The following DPP4 variants were observed in gnomAD, a reference collection of about 807,000 sequenced individuals.
DPP4 encodes the protein ADCP-2.
A neutral mutation model predicts 122.4 loss-of-function variants in DPP4; 93 were observed. That is an observed-to-expected ratio of 0.76 (90% CI 0.64 to 0.90). The LOEUF is 0.90. Ranked by LOEUF, DPP4 falls within the 40% of genes least tolerant of loss-of-function variation. DPP4 has a pLI of 0.00. For missense variants in DPP4, 914 were observed against 907.3 expected, an observed-to-expected ratio of 1.01 and a Z score of -0.09; for synonymous variants, 321 against 302.9, an observed-to-expected ratio of 1.06 and a Z score of -0.62.
intron 23 of DPP4, among the ~76,000 whole-genome samples, chr2:161,998,219 C>T (rs1370584868): frequency 1.3e-5 from 2 of 152,130 alleles, no homozygotes; most frequent in African/African-American, 4.8e-5. Context: ...AATAAATCTC[C>T]CTAAAAGACA....
intron 13 of DPP4, 21 bp from the exon 14 acceptor site, chr2:162,020,317 T>TTTTA (rs1553663376): frequency 9.8e-5 from 135 of 1,374,452 alleles, no homozygotes; most frequent in South Asian, 3.2e-4. Context: ...TTTTTTTTTT[T>TTTTA]CAAAAAAAAA....
At chr2:162,071,746 C>A (rs1685125640) in intron 2 of DPP4, among the ~76,000 whole-genome samples, 1 of 152,132 alleles carries the variant, frequency 6.6e-6, no homozygotes, top group Non-Finnish European at 1.5e-5. Context: ...GGAGAAGATA[C>A]CAGGTGCTAT....
Position 162,054,483 on chromosome 2 carries a change from G to T in DPP4, c.95-6982C>A, listed in dbSNP as rs909353119. Among the ~76,000 whole-genome samples, 10 of 152,296 alleles carry T rather than the reference G, an allele frequency of 6.6e-5. 1 individual carries two copies. The Middle Eastern group carries it at 0.024, about 363-fold the overall frequency. On this transcript the variant is annotated intron_variant, in intron 2 of 25. Transcript: ENST00000360534. The stretch of plus-strand genomic sequence containing the variant: ...TGAAGTTTGGGATTCAAGGGTGAAT[G>T]CTATGGTCTGAGTGTCCCCCAAAAT...
At chr2:162,028,508 T>C (rs1683425813) in intron 10 of DPP4, among the ~76,000 whole-genome samples, 1 of 152,206 alleles carries the variant, frequency 6.6e-6, no homozygotes, top group Non-Finnish European at 1.5e-5. Context: ...AACAGGCCAA[T>C]ACTGAGTAGC....
chr2:162,054,226 AG>A (rs1684486926), intron 2 of DPP4, among the ~76,000 whole-genome samples: 1 of 152,202 alleles, frequency 6.6e-6, no homozygotes, highest in South Asian at 2.1e-4. Context: ...TATCTATCCT[AG>A]GCCTACCCCA....
chr2:162,069,694 T>C (rs1462656884), intron 2 of DPP4, among the ~76,000 whole-genome samples: 1 of 152,168 alleles, frequency 6.6e-6, no homozygotes, highest in Non-Finnish European at 1.5e-5. Flanking sequence ...CCCTGAAACA[T>C]ACAAAGCTTT....
chr2:162,006,982 C>T (rs1701298353), intron 22 of DPP4, among the ~76,000 whole-genome samples: 1 of 152,022 alleles, frequency 6.6e-6, no homozygotes, highest in Admixed American at 6.6e-5. Flanking sequence ...TTGTAGATTA[C>T]AAACTACACT....
Position 162,060,859 on chromosome 2 carries a change from CTCCT to C in DPP4, c.94+12536_94+12539del, listed in dbSNP as rs375829539. Among the ~76,000 whole-genome samples the C allele has an allele frequency of 1.1e-4, 16 of 151,674 alleles. 1 individual carries two copies. Among genetic ancestry groups the C allele is most frequent in the South Asian group, 4.2e-4 (2 of 4,798 alleles). ...TACCTTTTCCCTCTAAAACACAAAG[CTCCT>C]TCCTTCCTTCCTTCCCTCTTTCTTT... On this transcript the variant is annotated intron_variant, in intron 2 of 25. Coordinates refer to ENST00000360534, the MANE Select transcript of DPP4 (RefSeq NM_001935.4).
chr2:161,994,811 G>T, intron 25 of DPP4, 150 bp downstream of exon 25: 1 of 658,238 alleles, frequency 1.5e-6, no homozygotes, highest in Non-Finnish European at 2.7e-6. Context: ...CATGGCTGAA[G>T]GATACCACTC....
Position 162,040,355 on chromosome 2 carries a change from T to C in DPP4, c.367-1171A>G, listed in dbSNP as rs1033002365. On this transcript the variant is annotated intron_variant, in intron 5 of 25. Coordinates refer to ENST00000360534, the MANE Select transcript of DPP4 (RefSeq NM_001935.4). ...ATAAACAAACTGTAGTAGAGATCCA[T>C]ACAATGGAATCTTATTTAATGATAA... is the stretch of plus-strand genomic sequence containing the variant. Among the ~76,000 whole-genome samples, 7 of 152,062 alleles carry C rather than the reference T, an allele frequency of 4.6e-5. No homozygotes were observed. In the East Asian group the frequency reaches 7.7e-4, roughly 17 times the overall value.
intron 10 of DPP4, among the ~76,000 whole-genome samples, chr2:162,030,670 T>C (rs763889491): frequency 6.6e-6 from 1 of 152,104 alleles, no homozygotes; most frequent in Non-Finnish European, 1.5e-5. Flanking sequence ...CCAGAGAGCA[T>C]CTAGAGTCTA....
Position 161,993,279 on chromosome 2 carries a change from G to T in DPP4, c.*4C>A. The T allele has an allele frequency of 6.2e-7, 1 of 1,601,184 alleles. No individual in the cohort carries two copies. The highest frequency in any genetic ancestry group is 8.6e-7 in the Non-Finnish European group (1 of 1,168,476). ...AGCTTTAAATGGCATGGTATTTTGAGGTGCTAAGGTAAAGAGAAACATTGT... is the reference window on the plus strand; with the variant it reads ...AGCTTTAAATGGCATGGTATTTTGATGTGCTAAGGTAAAGAGAAACATTGT... On this transcript the variant is annotated 3_prime_UTR_variant, in exon 26 of 26. Transcript: ENST00000360534.
In DPP4 at chr2:162,035,177, A is replaced by G. The variant is rs1231694201; in HGVS notation, c.761T>C (p.Val254Ala). 2 of 1,613,506 alleles carry G rather than the reference A, an allele frequency of 1.2e-6. No individual in the cohort carries two copies. Among genetic ancestry groups the G allele is most frequent in the South Asian group, 2.2e-5 (2 of 90,944 alleles). The change falls in exon 9 of 26, where the codon GTT (valine) becomes GCT (alanine). Residue 254 changes from valine (V) to alanine (A), a missense_variant. By Grantham distance (64) the Val-to-Ala change is moderately conservative (BLOSUM62 0). Coordinates refer to ENST00000360534, the MANE Select transcript of DPP4 (RefSeq NM_001935.4). ...AGGAGCACAGACCTTTGGATATGGAACCCGTACAGTCTTTGGGTACTGCAG... is the reference window on the plus strand; with the variant it reads ...AGGAGCACAGACCTTTGGATATGGAGCCCGTACAGTCTTTGGGTACTGCAG... ...ESLQYPKTVR[V>A]PYPKAGAVNP...
intron 23 of DPP4, among the ~76,000 whole-genome samples, chr2:161,999,769 CT>C (rs1013434984): frequency 3.9e-5 from 6 of 152,186 alleles, no homozygotes; most frequent in Non-Finnish European, 7.4e-5. Flanking sequence ...TAAACTACCC[CT>C]AGTGCCATCT....
chr2:162,024,648 T>A (rs1375987991), intron 11 of DPP4, among the ~76,000 whole-genome samples, 156 bp downstream of exon 11: 1 of 151,766 alleles, frequency 6.6e-6, no homozygotes, highest in East Asian at 1.9e-4. Context: ...TATCTAGGAG[T>A]TTTATTCAAG....
intron 11 of DPP4, 33 bp from the exon 12 acceptor site, chr2:162,022,832 A>C: frequency 6.2e-7 from 1 of 1,611,706 alleles, no homozygotes; most frequent in East Asian, 2.2e-5. Context: ...ACAGCATTTC[A>C]AAGAGAAGTC....
rs182639522 is a variant in DPP4, at chr2:162,063,875, G to C, written c.94+9524C>G. ...TTTTTTAAGAATATGAGACACTACT[G>C]TATGTTCATGATCAAATAGAGATGG... is the stretch of plus-strand genomic sequence containing the variant. On this transcript the variant is annotated intron_variant, in intron 2 of 25. Coordinates refer to ENST00000360534, the MANE Select transcript of DPP4 (RefSeq NM_001935.4). 4.1e-3 allele frequency among the ~76,000 whole-genome samples: 630 copies of C among 152,224 alleles called. 4 individuals carry two copies. The highest frequency in any genetic ancestry group is 7.4e-3 in the Non-Finnish European group (503 of 68,004).
intron 2 of DPP4, among the ~76,000 whole-genome samples, chr2:162,059,026 A>T (rs1576071267): frequency 6.6e-6 from 1 of 152,242 alleles, no homozygotes; most frequent in African/African-American, 2.4e-5. Flanking sequence ...AGTGGGCAGA[A>T]TATGTATGTC....
chr2:162,059,670 T>C (rs1295728286), intron 2 of DPP4, among the ~76,000 whole-genome samples: 1 of 152,172 alleles, frequency 6.6e-6, no homozygotes, highest in East Asian at 1.9e-4. Flanking sequence ...GATTTATAAG[T>C]GTAATCAACA....
Sources: gnomAD v4.1 joint callset for allele counts (sites outside exome capture counted in the v4.1 genomes callset) on GRCh38, gnomAD v4.1.1 for gene constraint, MANE v1.5 for transcripts, NCBI Gene and HGNC (gene_info 2026-07-23, HGNC 2026-07-21) for gene names.